Variants in RBMS3 observed in about 807,000 individuals in gnomAD.
RBMS3 encodes RNA-binding motif, single-stranded-interacting protein 3.
RBMS3 carries 27 observed loss-of-function variants against 66.8 expected under a neutral mutation model. The ratio of observed to expected loss-of-function variants is 0.40; its 90% CI spans 0.30 to 0.56. RBMS3 has a LOEUF of 0.56. RBMS3 is among the 20% of genes least tolerant of loss of function. The pLI is 0.40. For missense variants in RBMS3, 513 were observed against 549.5 expected (o/e 0.93, Z 0.66); for synonymous variants, 188 against 183.0 (o/e 1.03, Z -0.22).
intron 6 of RBMS3, among the ~76,000 whole-genome samples, chr3:29,861,524 G>A (rs777753005): frequency 8.5e-5 from 13 of 152,174 alleles, no homozygotes; most frequent in Non-Finnish European, 1.3e-4. Context: ...AGGAAAGCAG[G>A]AATTCTGCTG....
At chr3:29,714,011 T>C (rs7632532) in intron 4 of RBMS3, among the ~76,000 whole-genome samples, 86,965 of 151,848 alleles carry the variant, frequency 0.57, 25,378 homozygotes, top group African/African-American at 0.69. Context: ...GCCAAGATTG[T>C]ACCACTGTAC....
intron 1 of RBMS3, among the ~76,000 whole-genome samples, chr3:29,428,323 C>A (rs1039639064): frequency 6.6e-6 from 1 of 151,978 alleles, no homozygotes; most frequent in Non-Finnish European, 1.5e-5. Context: ...GACAGGAATG[C>A]TATAAACTAT....
At chr3:29,937,962 G>A (rs1023840409) in intron 11 of RBMS3, among the ~76,000 whole-genome samples, 45 of 151,710 alleles carry the variant, frequency 3.0e-4, no homozygotes, top group Admixed American at 1.6e-3. Flanking sequence ...TAATTTTACC[G>A]TATTGAATAA....
rs887851933 is a variant in RBMS3, at chr3:29,853,978, T to C, written c.638-14880T>C. Among the ~76,000 whole-genome samples, 6 of 152,336 alleles carry C rather than the reference T, an allele frequency of 3.9e-5. No individual in the cohort carries two copies. In the East Asian group the frequency reaches 9.7e-4, roughly 25 times the overall value. ...GAGACTGGCAGAAGGGAGACACTTA[T>C]GAGTCACTCCTCCACTTCTTCCAGA... On this transcript the variant is annotated intron_variant, in intron 6 of 14. Coordinates refer to ENST00000383767, the MANE Select transcript of RBMS3 (RefSeq NM_001003793.3).
intron 3 of RBMS3, among the ~76,000 whole-genome samples, chr3:29,569,374 G>A (rs562600588): frequency 1.8e-4 from 27 of 151,902 alleles, no homozygotes; most frequent in Non-Finnish European, 3.7e-4. Flanking sequence ...CCATCAGCAA[G>A]CATACTAATT....
intron 6 of RBMS3, among the ~76,000 whole-genome samples, chr3:29,818,717 C>A (rs2057989237): frequency 6.6e-6 from 1 of 152,134 alleles, no homozygotes; most frequent in Non-Finnish European, 1.5e-5. Context: ...TTTCTTCAAG[C>A]ATCCCATTTT....
chr3:29,582,016 T>C (rs1157201508), intron 3 of RBMS3, among the ~76,000 whole-genome samples: 1 of 152,176 alleles, frequency 6.6e-6, no homozygotes, highest in East Asian at 1.9e-4. Context: ...AAACATTTAA[T>C]GAAATTTCAA....
intron 3 of RBMS3, among the ~76,000 whole-genome samples, chr3:29,494,061 T>G (rs1265882050): frequency 5.9e-5 from 9 of 152,218 alleles, no homozygotes; most frequent in Non-Finnish European, 1.3e-4. Context: ...TTTTTATTTT[T>G]AAAGACATGA....
intron 5 of RBMS3, among the ~76,000 whole-genome samples, chr3:29,749,118 T>C (rs1340122978): frequency 6.6e-6 from 1 of 152,174 alleles, no homozygotes; most frequent in Non-Finnish European, 1.5e-5. Flanking sequence ...AAAGAGAACA[T>C]GTATTCCAAA....
At chr3:29,902,764 C>A (rs2060286064) in intron 10 of RBMS3, among the ~76,000 whole-genome samples, 1 of 151,888 alleles carries the variant, frequency 6.6e-6, no homozygotes, top group African/African-American at 2.4e-5. Flanking sequence ...CCCCTATCAC[C>A]AAGCGTGTAC....
In RBMS3 at chr3:29,987,821, C is replaced by T. The variant is rs1238795831; in HGVS notation, c.1099-322C>T. ...AAAAAGAGACATCATCCCCAACTCT[C>T]CTGGAGTTTGTGTTTAGATGTGAAA... On this transcript the variant is annotated intron_variant, in intron 12 of 14. Transcript: ENST00000383767. Among the ~76,000 whole-genome samples, 3 of 152,066 alleles carry T rather than the reference C, an allele frequency of 2.0e-5. No homozygotes were observed. The East Asian group carries it at 5.8e-4, about 29-fold the overall frequency.
In RBMS3 at chr3:29,452,144, C is replaced by G. The variant is rs549736149; in HGVS notation, c.248+17229C>G. Among the ~76,000 whole-genome samples the G allele has an allele frequency of 1.3e-5, 2 of 152,226 alleles. 1 individual carries two copies. The highest frequency in any genetic ancestry group is 4.1e-4 in the South Asian group (2 of 4,820). ...CAGGGATTTTCCTGTGTAAGAAGCTCGTAGTCTCTGGCTGTGATATGTACA... is the reference window on the plus strand; with the variant it reads ...CAGGGATTTTCCTGTGTAAGAAGCTGGTAGTCTCTGGCTGTGATATGTACA... On this transcript the variant is annotated intron_variant, in intron 2 of 14. Coordinates refer to ENST00000383767, the MANE Select transcript of RBMS3 (RefSeq NM_001003793.3).
At chr3:29,369,285 A>G (rs911718711) in intron 1 of RBMS3, among the ~76,000 whole-genome samples, 3 of 152,046 alleles carry the variant, frequency 2.0e-5, no homozygotes, top group African/African-American at 7.2e-5. Context: ...TATATAATGA[A>G]TCTGCACATG....
At chr3:29,486,160 G>T (rs1206638722) in intron 2 of RBMS3, among the ~76,000 whole-genome samples, 1 of 152,124 alleles carries the variant, frequency 6.6e-6, no homozygotes, top group Non-Finnish European at 1.5e-5. Flanking sequence ...TACATCAGTT[G>T]TTGACTTTGC....
intron 10 of RBMS3, among the ~76,000 whole-genome samples, chr3:29,923,805 A>G (rs1160870829): frequency 2.0e-5 from 3 of 152,294 alleles, no homozygotes. Flanking sequence ...TATGTCACCA[A>G]GGCCACATAA....
At chr3:29,677,725 G>GA (rs1360209732) in intron 4 of RBMS3, among the ~76,000 whole-genome samples, 1 of 151,898 alleles carries the variant, frequency 6.6e-6, no homozygotes, top group Non-Finnish European at 1.5e-5. Context: ...GGGTTTTCTG[G>GA]AAAATAGGCC....
rs565155877 is a variant in RBMS3 at position 29,355,626 on chromosome 3, T to A, written c.75+73870T>A. 3.9e-5 allele frequency among the ~76,000 whole-genome samples: 6 copies of A among 152,196 alleles called. No homozygotes were observed. In the South Asian group the frequency reaches 1.2e-3, roughly 32 times the overall value. On this transcript the variant is annotated intron_variant, in intron 1 of 14. Transcript: ENST00000383767. ...GAAATATGTTTGCATATTTATTATA[T>A]CTCGGAAAGAAATGTATGACTTATT...
chr3:29,424,604 C>A (rs2040871386), intron 1 of RBMS3, among the ~76,000 whole-genome samples: 1 of 152,120 alleles, frequency 6.6e-6, no homozygotes, highest in Admixed American at 6.5e-5. Flanking sequence ...TGAATTGCTC[C>A]TGTGTCAACA....
intron 1 of RBMS3, among the ~76,000 whole-genome samples, chr3:29,424,857 A>G (rs1198120826): frequency 2.0e-5 from 3 of 152,212 alleles, no homozygotes; most frequent in African/African-American, 4.8e-5. Flanking sequence ...CCTCATTATT[A>G]TCTGAAGCCA....
Sources: gnomAD v4.1 joint callset for allele counts (sites outside exome capture counted in the v4.1 genomes callset) on GRCh38, gnomAD v4.1.1 for gene constraint, MANE v1.5 for transcripts, NCBI Gene and HGNC (gene_info 2026-07-23, HGNC 2026-07-21) for gene names.